LYPD5: variants seen among roughly 807,000 people sequenced by gnomAD.
LYPD5 encodes ly6/PLAUR domain-containing protein 5.
Under a neutral mutation model 19.1 loss-of-function variants are expected in LYPD5, and 21 were observed. That is an observed-to-expected ratio of 1.10 (90% confidence interval 0.78 to 1.58). The LOEUF is 1.58. LYPD5 is among the 40% of genes most tolerant of loss of function. The probability of loss-of-function intolerance (pLI) is 0.00; values close to 1 mark genes in which losing one functional copy is unlikely to be tolerated. For synonymous variants in LYPD5, 128 were observed against 142.7 expected, an observed-to-expected ratio of 0.90 and a Z score of 0.74; for missense variants, 287 against 329.8, an observed-to-expected ratio of 0.87 and a Z score of 1.00.
intron 1 of LYPD5, among the ~76,000 whole-genome samples, chr19:43,812,128 T>C (rs540444770): frequency 6.6e-6 from 1 of 152,132 alleles, no homozygotes; most frequent in East Asian, 1.9e-4. Context: ...TTGAACTTTA[T>C]CACATGGGAG....
At chr19:43,811,007 A>C (rs1970319026) in intron 1 of LYPD5, among the ~76,000 whole-genome samples, 1 of 152,216 alleles carries the variant, frequency 6.6e-6, no homozygotes, top group Non-Finnish European at 1.5e-5. Flanking sequence ...TTTCTTTGGC[A>C]GCATTTGTGT....
chr19:43,801,050 A>C (rs79457848), intron 1 of LYPD5, among the ~76,000 whole-genome samples: 1 of 151,416 alleles, frequency 6.6e-6, no homozygotes, highest in Non-Finnish European at 1.5e-5. Flanking sequence ...AAAAAAAAAA[A>C]AACACATCAA....
At chr19:43,818,578 T>C (rs1429042141) in intron 1 of LYPD5, among the ~76,000 whole-genome samples, 2 of 152,222 alleles carry the variant, frequency 1.3e-5, no homozygotes, top group Non-Finnish European at 2.9e-5. Flanking sequence ...GTCTCATGCA[T>C]CAGCATCAAC....
intron 1 of LYPD5, among the ~76,000 whole-genome samples, chr19:43,810,885 C>T (rs998610774): frequency 1.2e-4 from 18 of 151,960 alleles, no homozygotes; most frequent in African/African-American, 3.4e-4. Context: ...CTGCCTCGGC[C>T]TCCCAAAGGA....
intron 1 of LYPD5, among the ~76,000 whole-genome samples, chr19:43,818,140 A>G (rs1044681638): frequency 6.6e-6 from 1 of 152,222 alleles, no homozygotes; most frequent in Non-Finnish European, 1.5e-5. Context: ...TCATGGACTT[A>G]CTGAACTCAC....
At chr19:43,806,524 A>C (rs1970271318), upstream of LYPD5, among the ~76,000 whole-genome samples, 2 of 152,066 alleles carry the variant, frequency 1.3e-5, no homozygotes, top group Non-Finnish European at 2.9e-5. Flanking sequence ...TTAGCTGGGC[A>C]TAGTGGGCAC....
chr19:43,797,117 AG>A lies in LYPD5; in HGVS notation c.*473del, dbSNP rs1970140802. On this transcript the variant is annotated 3_prime_UTR_variant, in exon 5 of 5. Transcript: ENST00000377950. ...TAAGTAACTCGCTCATGGTCTCTGC[AG>A]GCTGAATGGTGGAGCTGGGATTTGA... 6.5e-6 allele frequency: 1 copy of A among 154,566 alleles called. No homozygotes were observed. The highest frequency in any genetic ancestry group is 2.4e-5 in the African/African-American group (1 of 41,476). The allele number at this position is 154,566 out of a possible 1,614,324, so 9.6% of individuals were successfully genotyped here. A position where few individuals can be genotyped will look rare whatever the true frequency, so the allele number is the denominator to read the frequency against.
intron 1 of LYPD5, chr19:43,815,604 A>G (rs538376420): frequency 1.7e-4 from 30 of 174,646 alleles, no homozygotes; most frequent in Non-Finnish European, 3.2e-4. Context: ...AACCAGCTAT[A>G]AAAGACACCT....
At chr19:43,806,267 A>G (rs536292727), upstream of LYPD5, among the ~76,000 whole-genome samples, 1 of 152,324 alleles carries the variant, frequency 6.6e-6, no homozygotes, top group South Asian at 2.1e-4. Flanking sequence ...TGAATTGCGT[A>G]TGCAAGGGAT....
chr19:43,806,653 A>C (rs549767861), upstream of LYPD5, among the ~76,000 whole-genome samples: 1 of 144,898 alleles, frequency 6.9e-6, no homozygotes, highest in Non-Finnish European at 1.5e-5. Flanking sequence ...ACAGCAAGAC[A>C]CCGTCTCAAC....
chr19:43,802,552 T>TGA, upstream of LYPD5: 2 of 436,188 alleles, frequency 4.6e-6, no homozygotes, highest in Middle Eastern at 5.0e-4. Context: ...AACAGGGTGA[T>TGA]CCTCAGTTGC....
chr19:43,805,279 T>G (rs568688140), upstream of LYPD5, among the ~76,000 whole-genome samples: 2 of 152,362 alleles, frequency 1.3e-5, no homozygotes, highest in African/African-American at 4.8e-5. Flanking sequence ...GTATTTAGTA[T>G]TTCTTGCCTT....
intron 1 of LYPD5, chr19:43,820,363 A>G (rs549683385): frequency 6.6e-6 from 1 of 152,312 alleles, no homozygotes. Flanking sequence ...TCACGCACAT[A>G]ATATTGCACA....
Position 43,796,332 on chromosome 19 carries a change from C to T in LYPD5, c.*1259G>A, listed in dbSNP as rs906338335. The T allele has an allele frequency of 6.7e-6, 1 of 149,240 alleles. No individual in the cohort carries two copies. The highest frequency in any genetic ancestry group is 2.5e-5 in the African/African-American group (1 of 40,416). 9.2% of individuals were successfully genotyped at this position (149,240 alleles called of 1,614,324 possible). The stretch of plus-strand genomic sequence containing the variant: ...GTGAAAGAACATGGTCAAGCATGTG[C>T]ACAGAGAACATGCTAAAGGATCCCA... On this transcript the variant is annotated 3_prime_UTR_variant, in exon 5 of 5. Transcript: ENST00000377950.
Position 43,798,500 on chromosome 19 carries a change from G to A in LYPD5, c.472C>T (p.Gln158Ter). 6.2e-7 allele frequency: 1 copy of A among 1,609,818 alleles called. No individual in the cohort carries two copies. The highest frequency in any genetic ancestry group is 8.5e-7 in the Non-Finnish European group (1 of 1,180,010). ...IGRSRRVQCH[Q>*]DQTACFQGNG... Reference sequence around the variant, plus strand: ...CCCTGGAAGCAGGCGGTCTGGTCCTGGTGACACTGGACTCGTCGGGACCTG... The same window carrying A: ...CCCTGGAAGCAGGCGGTCTGGTCCTAGTGACACTGGACTCGTCGGGACCTG... Residue 158 changes from glutamine to a stop codon, truncating the protein, a stop_gained, in exon 4 of 5, where the codon CAG becomes TAG. Coordinates refer to ENST00000377950, the MANE Select transcript of LYPD5 (RefSeq NM_001031749.3). LOFTEE classifies it low-confidence loss of function (END_TRUNC).
At chr19:43,799,570 C>G (rs1052212452) in intron 2 of LYPD5, 136 bp downstream of exon 2, 17 of 1,019,170 alleles carry the variant, frequency 1.7e-5, no homozygotes, top group Admixed American at 1.4e-4. Flanking sequence ...TTTCTTCCTC[C>G]TCTTCTTCCT....
intron 4 of LYPD5, among the ~76,000 whole-genome samples, chr19:43,798,159 TTGCCTCCTCCCTCAGACCAGGGTCA>T (rs1308729146): frequency 1.2e-3 from 55 of 44,106 alleles, no homozygotes; most frequent in Non-Finnish European, 1.8e-3. Context: ...GACCAGGGTC[TTGCCTCCTCCCTCAGACCAGGGTCA>T]TGCCTCCTCC....
upstream of LYPD5, among the ~76,000 whole-genome samples, chr19:43,804,550 A>T (rs1970255210): frequency 6.6e-6 from 1 of 152,156 alleles, no homozygotes; most frequent in South Asian, 2.1e-4. Context: ...AATCTCCTTG[A>T]ATAAAGTCTG....
chr19:43,798,094 C>G lies in LYPD5; in HGVS notation c.518-265G>C, dbSNP rs1402236324. ...CCCCCAGACCAGGGTTATGCCTCCT[C>G]CCTCAGACCAGGGCATGGCCTCCTT... On this transcript the variant is annotated intron_variant, in intron 4 of 4. Transcript: ENST00000377950. 1.7e-5 allele frequency among the ~76,000 whole-genome samples: 2 copies of G among 119,742 alleles called. 1 individual carries two copies. Among genetic ancestry groups the G allele is most frequent in the African/African-American group, 6.2e-5 (2 of 32,098 alleles). The allele number at this position is 119,742 out of a possible 152,430, so 78.6% of individuals were successfully genotyped here.
Sources: allele counts gnomAD v4.1 joint callset (sites outside exome capture counted in the v4.1 genomes callset), GRCh38; gene constraint gnomAD v4.1.1; transcripts MANE v1.5; gene names NCBI Gene and HGNC (gene_info 2026-07-23, HGNC 2026-07-21).